The following VPS8 variants were observed in gnomAD, a reference collection of about 807,000 sequenced individuals.
VPS8 encodes vacuolar protein sorting-associated protein 8 homolog.
A neutral mutation model predicts 216.4 loss-of-function variants in VPS8; 129 were observed. The observed-to-expected ratio is 0.60, with a 90% CI of 0.52 to 0.69. The LOEUF (loss-of-function observed/expected upper bound fraction) is 0.69. VPS8 is among the 30% of genes least tolerant of loss of function. The pLI is 0.00. For missense variants in VPS8, 1,531 were observed against 1,683.5 expected (o/e 0.91, Z 1.59); for synonymous variants, 571 against 565.4 (o/e 1.01, Z -0.14).
chr3:184,909,090 C>T (rs1736021969), intron 25 of VPS8, among the ~76,000 whole-genome samples: 1 of 152,166 alleles, frequency 6.6e-6, no homozygotes, highest in South Asian at 2.1e-4. Flanking sequence ...CCCTATCTGC[C>T]TAGGCATTTG....
chr3:184,886,672 C>T (rs1008886363), intron 22 of VPS8, among the ~76,000 whole-genome samples: 11 of 152,032 alleles, frequency 7.2e-5, no homozygotes, highest in Middle Eastern at 6.8e-3. Context: ...CTCCGCCTCC[C>T]GGGTTCAAGA....
chr3:184,837,960 C>T (rs1396564012), intron 5 of VPS8, among the ~76,000 whole-genome samples: 5 of 152,178 alleles, frequency 3.3e-5, no homozygotes, highest in Admixed American at 6.5e-5. Context: ...TATCTGTATA[C>T]GCAAGCTCTT....
intron 37 of VPS8, among the ~76,000 whole-genome samples, chr3:184,962,724 A>AGTGTGTGT (rs10562348): frequency 1.7e-3 from 246 of 145,900 alleles, no homozygotes; most frequent in African/African-American, 5.6e-3. Flanking sequence ...TTAAGGCTTA[A>AGTGTGTGT]GTGTGTGTGT....
chr3:184,881,386 T>C (rs1282856978), intron 21 of VPS8, among the ~76,000 whole-genome samples: 2 of 152,164 alleles, frequency 1.3e-5, no homozygotes, highest in Admixed American at 6.5e-5. Context: ...TGCAGCATTA[T>C]TTGTTGAAAA....
At chr3:184,842,690 G>C (rs1355428516) in intron 7 of VPS8, among the ~76,000 whole-genome samples, 1 of 152,164 alleles carries the variant, frequency 6.6e-6, no homozygotes, top group Admixed American at 6.5e-5. Flanking sequence ...AGGAGAAAGT[G>C]TAGCAAGAAG....
At chr3:185,022,629 T>C (rs1756819158) in intron 45 of VPS8, among the ~76,000 whole-genome samples, 1 of 152,204 alleles carries the variant, frequency 6.6e-6, no homozygotes, top group Non-Finnish European at 1.5e-5. Flanking sequence ...TACCTGTAAA[T>C]GATGTTGCAT....
chr3:184,938,646 T>C (rs546644470), intron 35 of VPS8, among the ~76,000 whole-genome samples: 5 of 141,640 alleles, frequency 3.5e-5, no homozygotes, highest in Admixed American at 1.3e-4. Flanking sequence ...CTTTTCTTTT[T>C]TTCTTTTTTT....
chr3:184,821,976 T>A (rs1429148220), intron 1 of VPS8, among the ~76,000 whole-genome samples: 1 of 152,102 alleles, frequency 6.6e-6, no homozygotes, highest in Non-Finnish European at 1.5e-5. Flanking sequence ...GAACACATGG[T>A]TTGAAGGAGC....
chr3:184,952,237 A>T (rs143578899), intron 36 of VPS8, among the ~76,000 whole-genome samples: 1 of 152,268 alleles, frequency 6.6e-6, no homozygotes, highest in East Asian at 1.9e-4. Context: ...TTCTCTTGAG[A>T]CACAACCTTG....
intron 46 of VPS8, among the ~76,000 whole-genome samples, chr3:185,035,897 G>A (rs953663173): frequency 2.6e-5 from 4 of 152,120 alleles, no homozygotes; most frequent in Non-Finnish European, 5.9e-5. Flanking sequence ...ACTGATAAAT[G>A]ACTTTAATAC....
intron 45 of VPS8, among the ~76,000 whole-genome samples, chr3:185,016,627 A>G (rs1029571102): frequency 1.3e-5 from 2 of 152,156 alleles, no homozygotes; most frequent in Admixed American, 6.5e-5. Context: ...TTAAAGGCCA[A>G]TTTTTCAGAA....
chr3:184,940,928 C>T (rs1742566031), intron 36 of VPS8, among the ~76,000 whole-genome samples: 1 of 152,122 alleles, frequency 6.6e-6, no homozygotes, highest in Admixed American at 6.6e-5. Context: ...TAGTAGTGTG[C>T]ATCAGAATCA....
chr3:184,867,073 C>G (rs1386520125), intron 17 of VPS8, 123 bp downstream of exon 17: 3 of 807,232 alleles, frequency 3.7e-6, no homozygotes, highest in African/African-American at 3.5e-5. Context: ...TATCCTAAAC[C>G]CTTTGTGGTT....
At chr3:184,966,887 G>A (rs1185534292) in intron 39 of VPS8, among the ~76,000 whole-genome samples, 174 bp downstream of exon 39, 1 of 152,016 alleles carries the variant, frequency 6.6e-6, no homozygotes, top group Non-Finnish European at 1.5e-5. Context: ...TTCACAACAG[G>A]AAATCATAGA....
intron 39 of VPS8, 83 bp from the exon 40 acceptor site, chr3:184,971,566 A>G (rs1748410895): frequency 3.0e-6 from 3 of 1,004,838 alleles, no homozygotes; most frequent in Non-Finnish European, 4.4e-6. Context: ...GATGCAAAGA[A>G]AAAGAAGTTT....
rs1447921513 is a variant in VPS8 at position 185,004,905 on chromosome 3, T to TA, written c.4002+5044_4002+5045insA. The stretch of plus-strand genomic sequence containing the variant: ...ATTTATTTGGTTTTTTTTGTTTTGT[T>TA]TTTTATTTATTTATTTATTTATTTT... On this transcript the variant is annotated intron_variant, in intron 45 of 47. Coordinates refer to ENST00000625842, the MANE Select transcript of VPS8 (RefSeq NM_001009921.3). 4.6e-4 allele frequency among the ~76,000 whole-genome samples: 66 copies of TA among 144,902 alleles called. 1 individual carries two copies. In the Admixed American group the frequency reaches 4.6e-3, roughly 10 times the overall value.
Position 184,999,683 on chromosome 3 carries a change from C to G in VPS8, c.3837-13C>G. On this transcript the variant is annotated splice_polypyrimidine_tract_variant and intron_variant, in intron 44 of 47. Transcript: ENST00000625842. The stretch of plus-strand genomic sequence containing the variant: ...ATAATAAAAAGTACAAATTGGTTGC[C>G]TTCGTTTTGCAGCTGTGGCCATTTG... The G allele has an allele frequency of 6.3e-7, 1 of 1,595,962 alleles. No individual in the cohort carries two copies.
intron 3 of VPS8, among the ~76,000 whole-genome samples, chr3:184,830,252 G>A (rs901632941): frequency 1.3e-5 from 2 of 152,070 alleles, no homozygotes; most frequent in Non-Finnish European, 2.9e-5. Context: ...TATAAATCAG[G>A]TAATCATATA....
chr3:184,994,488 GA>G (rs11316264), intron 43 of VPS8, among the ~76,000 whole-genome samples: 126,773 of 143,046 alleles, frequency 0.89, 56,969 homozygotes, highest in Non-Finnish European at 0.97. Flanking sequence ...ACCCTTCTCT[GA>G]AAAAAAAAAA....
Sources: gnomAD v4.1 joint callset for allele counts (sites outside exome capture counted in the v4.1 genomes callset) on GRCh38, gnomAD v4.1.1 for gene constraint, MANE v1.5 for transcripts, NCBI Gene and HGNC (gene_info 2026-07-23, HGNC 2026-07-21) for gene names.